THSD7B: variants seen among roughly 807,000 people sequenced by gnomAD.
The protein encoded by THSD7B is thrombospondin type 1 domain containing 7B.
Under a neutral mutation model 213.6 loss-of-function variants are expected in THSD7B, and 138 were observed. The observed-to-expected ratio is 0.65, with a 90% CI of 0.56 to 0.74. THSD7B has a LOEUF of 0.74. Ranked by LOEUF, THSD7B falls within the 30% of genes least tolerant of loss-of-function variation. The probability of loss-of-function intolerance (pLI) is 0.00; values close to 1 mark genes in which losing one functional copy is unlikely to be tolerated. For synonymous variants in THSD7B, 742 were observed against 687.0 expected (o/e 1.08, Z -1.25); for missense variants, 1,931 against 1,991.5 (o/e 0.97, Z 0.58).
intron 12 of THSD7B, among the ~76,000 whole-genome samples, chr2:137,346,000 A>G (rs913931877): frequency 6.6e-6 from 1 of 151,474 alleles, no homozygotes; most frequent in Non-Finnish European, 1.5e-5. Flanking sequence ...TTGCCCTTTT[A>G]TTTTTGTGAG....
chr2:136,852,892 A>T (rs1404741681), intron 1 of THSD7B, among the ~76,000 whole-genome samples: 2 of 152,136 alleles, frequency 1.3e-5, no homozygotes, highest in African/African-American at 4.8e-5. Context: ...CATTAAAAAA[A>T]TTGTATATGA....
chr2:137,086,108 A>T (rs924293891), intron 3 of THSD7B, among the ~76,000 whole-genome samples: 11 of 152,130 alleles, frequency 7.2e-5, no homozygotes, highest in African/African-American at 2.4e-4. Context: ...GCACTTTGGG[A>T]GGCCAAGGTG....
intron 7 of THSD7B, among the ~76,000 whole-genome samples, chr2:137,226,761 CAG>C (rs1180748195): frequency 6.6e-6 from 1 of 151,706 alleles, no homozygotes; most frequent in African/African-American, 2.4e-5. Flanking sequence ...TAAGTAGAAA[CAG>C]GTATTCAAAC....
intron 2 of THSD7B, among the ~76,000 whole-genome samples, chr2:137,035,178 C>T (rs2104856189): frequency 6.6e-6 from 1 of 152,270 alleles, no homozygotes; most frequent in Non-Finnish European, 1.5e-5. Flanking sequence ...TTGTGTGTCT[C>T]TTATCATTAG....
Position 137,056,493 on chromosome 2 carries a change from T to C in THSD7B, c.213T>C (p.Val71=). The C allele has an allele frequency of 1.2e-6, 2 of 1,614,038 alleles. No individual in the cohort carries two copies. Among genetic ancestry groups the C allele is most frequent in the Non-Finnish European group, 1.7e-6 (2 of 1,179,886 alleles). The change falls in exon 3 of 28, where the codon GTT becomes GTC. Residue 71 remains valine, a synonymous_variant. Coordinates refer to ENST00000409968, the MANE Select transcript of THSD7B (RefSeq NM_001316349.2). The stretch of plus-strand genomic sequence containing the variant: ...GTCGGGCAGTGTGGTGTTTTCATGT[T>C]GACGGGTGGACAAGTCACCTGTCTA... The part of the protein sequence containing the change: ...VQSRAVWCFH[V]DGWTSHLSNC...
At chr2:137,675,315 T>TG (rs1244634386) in intron 27 of THSD7B, among the ~76,000 whole-genome samples, 1 of 1,836 alleles carries the variant, frequency 5.4e-4, no homozygotes, top group Non-Finnish European at 0.024. Flanking sequence ...AAAATCTTTG[T>TG]TTTTTACGTT....
At chr2:137,321,619 T>G (rs979079009) in intron 12 of THSD7B, among the ~76,000 whole-genome samples, 2 of 152,212 alleles carry the variant, frequency 1.3e-5, no homozygotes, top group Admixed American at 6.5e-5. Flanking sequence ...ACTTTAGGAA[T>G]GAGGCAATGT....
At chr2:136,780,139 A>G (rs28733476) in intron 1 of THSD7B, among the ~76,000 whole-genome samples, 19,413 of 152,210 alleles carry the variant, frequency 0.13, 1,756 homozygotes, top group East Asian at 0.24. Context: ...TGGGTAATTC[A>G]TAAATAATTT....
At chr2:136,888,097 CA>C (rs1409896728) in intron 2 of THSD7B, among the ~76,000 whole-genome samples, 1 of 152,080 alleles carries the variant, frequency 6.6e-6, no homozygotes, top group East Asian at 1.9e-4. Flanking sequence ...CTTAGACATA[CA>C]AAAAAGAGGG....
chr2:136,802,201 A>G (rs1682195675), intron 1 of THSD7B, among the ~76,000 whole-genome samples: 1 of 152,112 alleles, frequency 6.6e-6, no homozygotes, highest in Admixed American at 6.6e-5. Context: ...ACTGCCAATT[A>G]CCATCAGGAG....
intron 2 of THSD7B, among the ~76,000 whole-genome samples, chr2:136,991,198 G>A (rs1052164629): frequency 2.0e-5 from 3 of 152,118 alleles, no homozygotes; most frequent in Non-Finnish European, 2.9e-5. Flanking sequence ...CTGGGTTTTG[G>A]TGATACAAAA....
intron 12 of THSD7B, among the ~76,000 whole-genome samples, chr2:137,358,204 A>C (rs1158262861): frequency 1.3e-5 from 2 of 152,230 alleles, no homozygotes; most frequent in Non-Finnish European, 2.9e-5. Flanking sequence ...GGTTTTGTCT[A>C]CAAACCATTC....
chr2:137,052,137 A>G (rs1322859243), intron 2 of THSD7B, among the ~76,000 whole-genome samples: 3 of 152,224 alleles, frequency 2.0e-5, no homozygotes, highest in Non-Finnish European at 4.4e-5. Context: ...TTCCAAGTCC[A>G]AAGAATTCAC....
chr2:137,379,305 G>A (rs1305047194), intron 12 of THSD7B, among the ~76,000 whole-genome samples: 1 of 152,176 alleles, frequency 6.6e-6, no homozygotes, highest in Middle Eastern at 3.4e-3. Context: ...TTTATAATTG[G>A]GCTCCTGCAG....
At chr2:137,039,079 A>G (rs1440051118) in intron 2 of THSD7B, among the ~76,000 whole-genome samples, 1 of 152,212 alleles carries the variant, frequency 6.6e-6, no homozygotes, top group Non-Finnish European at 1.5e-5. Flanking sequence ...AGTTATGTAA[A>G]CATTACTCTG....
At chr2:137,223,812 G>A (rs62171086) in intron 7 of THSD7B, among the ~76,000 whole-genome samples, 26,513 of 152,008 alleles carry the variant, frequency 0.17, 3,060 homozygotes, top group South Asian at 0.4. Context: ...GGAGGTGACT[G>A]GAACATGGAG....
intron 1 of THSD7B, among the ~76,000 whole-genome samples, chr2:136,854,191 A>T (rs907174144): frequency 6.6e-6 from 1 of 152,062 alleles, no homozygotes; most frequent in African/African-American, 2.4e-5. Flanking sequence ...GGGGAATAAA[A>T]TACCACACAG....
intron 2 of THSD7B, among the ~76,000 whole-genome samples, chr2:136,909,076 G>A (rs1345651430): frequency 3.3e-5 from 5 of 152,076 alleles, no homozygotes; most frequent in African/African-American, 7.2e-5. Flanking sequence ...CCAGCTACTA[G>A]GGAGGCTAAG....
intron 21 of THSD7B, among the ~76,000 whole-genome samples, chr2:137,652,620 T>C (rs1683161991): frequency 6.6e-6 from 1 of 152,142 alleles, no homozygotes; most frequent in South Asian, 2.1e-4. Flanking sequence ...GTTTTGTAAC[T>C]CCTCTTTTAG....
Sources: gnomAD v4.1 joint callset for allele counts (sites outside exome capture counted in the v4.1 genomes callset) on GRCh38, gnomAD v4.1.1 for gene constraint, MANE v1.5 for transcripts, NCBI Gene and HGNC (gene_info 2026-07-23, HGNC 2026-07-21) for gene names.